CELF1: variants seen among roughly 807,000 people sequenced by gnomAD.
The protein encoded by CELF1 is 50 kDa nuclear polyadenylated RNA-binding protein.
In CELF1, 10 loss-of-function variants were observed where a neutral mutation model predicts 61.8. The ratio of observed to expected loss-of-function variants is 0.16; its 90% CI spans 0.10 to 0.27. CELF1 has a LOEUF of 0.27. Ranked by LOEUF, CELF1 falls within the 10% of genes least tolerant of loss-of-function variation. The pLI is 1.00. For missense variants in CELF1, 380 were observed against 639.1 expected (o/e 0.59, Z 4.37); for synonymous variants, 236 against 225.1 (o/e 1.05, Z -0.43).
At chr11:47,522,865 TA>T (rs2096019347) in intron 1 of CELF1, among the ~76,000 whole-genome samples, 1 of 144,588 alleles carries the variant, frequency 6.9e-6, no homozygotes, top group South Asian at 2.2e-4. Context: ...AGTAATAAAA[TA>T]GGCTTCATTT....
In CELF1 at chr11:47,478,890, G is replaced by A. The variant is rs755979173; in HGVS notation, c.831C>T (p.Leu277=). 2.0e-5 allele frequency: 32 copies of A among 1,612,720 alleles called. No individual in the cohort carries two copies. The highest frequency in any genetic ancestry group is 2.5e-5 in the Non-Finnish European group (30 of 1,179,516). ...TGAAACACTTACCTCCCATTGGGTG[G>A]AGGCTGCTCAGGGTGTTGAGGTTCC... is the stretch of plus-strand genomic sequence containing the variant. ...SSGNLNTLSS[L]HPMGGLNAMQ... The change falls in exon 10 of 15, where the codon CTC becomes CTT. Residue 277 remains leucine (L), a synonymous_variant. Transcript: ENST00000687097.
At chr11:47,561,703 C>T (rs867806957) in intron 2 of CELF1, among the ~76,000 whole-genome samples, 48 of 152,136 alleles carry the variant, frequency 3.2e-4, no homozygotes, top group African/African-American at 1.1e-3. Flanking sequence ...AACCTATGTC[C>T]GTAAGTTGTA....
intron 11 of CELF1, 37 bp downstream of exon 11, chr11:47,477,259 AG>A (rs2080689057): frequency 6.2e-7 from 1 of 1,612,274 alleles, no homozygotes; most frequent in African/African-American, 1.3e-5. Flanking sequence ...CATCTGTCCA[AG>A]GCACATAATG....
chr11:47,543,299 G>C (rs1258607263), intron 1 of CELF1, among the ~76,000 whole-genome samples: 5 of 152,084 alleles, frequency 3.3e-5, no homozygotes, highest in African/African-American at 9.7e-5. Flanking sequence ...TACTTGGGAG[G>C]CTGAGGTGGG....
intron 1 of CELF1, among the ~76,000 whole-genome samples, chr11:47,529,396 A>T (rs1474048960): frequency 6.6e-6 from 1 of 152,056 alleles, no homozygotes; most frequent in Non-Finnish European, 1.5e-5. Flanking sequence ...TAAAAATATA[A>T]AAATTAGTGG....
rs79597731 is a variant in CELF1, at chr11:47,521,662, G to A, written c.-153-20730C>T. 3.6e-3 allele frequency among the ~76,000 whole-genome samples: 541 copies of A among 152,312 alleles called. 3 individuals carry two copies. The highest frequency in any genetic ancestry group is 0.013 in the African/African-American group (526 of 41,570). On this transcript the variant is annotated intron_variant, in intron 1 of 14. Transcript: ENST00000687097. Reference sequence around the variant, plus strand: ...TAGAATAGTGCCTGACACATAGAAAGTGCTCAATAAACATTTGCTACTATT... The same window carrying A: ...TAGAATAGTGCCTGACACATAGAAAATGCTCAATAAACATTTGCTACTATT...
At chr11:47,537,676 T>C (rs1329660885) in intron 1 of CELF1, among the ~76,000 whole-genome samples, 1 of 152,184 alleles carries the variant, frequency 6.6e-6, no homozygotes, top group Non-Finnish European at 1.5e-5. Context: ...AGAATTAAAA[T>C]GTTAAGTCTT....
At chr11:47,492,176 C>CT (rs1374710728) in intron 3 of CELF1, among the ~76,000 whole-genome samples, 1 of 152,052 alleles carries the variant, frequency 6.6e-6, no homozygotes, top group Non-Finnish European at 1.5e-5. Context: ...GAGAGGGTCT[C>CT]ACTATGTTGC....
chr11:47,545,501 T>C (rs908359024), intron 1 of CELF1, among the ~76,000 whole-genome samples: 5 of 152,050 alleles, frequency 3.3e-5, no homozygotes, highest in African/African-American at 1.2e-4. Flanking sequence ...AAGAGGTTAA[T>C]AACAAGAGTT....
intron 1 of CELF1, among the ~76,000 whole-genome samples, chr11:47,525,487 C>T (rs1477762642): frequency 6.6e-6 from 1 of 152,114 alleles, no homozygotes; most frequent in African/African-American, 2.4e-5. Flanking sequence ...ATTTTATTCC[C>T]CCCTTATAGA....
chr11:47,501,322 C>A (rs2093866387), intron 1 of CELF1, among the ~76,000 whole-genome samples: 1 of 151,966 alleles, frequency 6.6e-6, no homozygotes, highest in African/African-American at 2.4e-5. Context: ...GCCTGTCAGG[C>A]AGAAGATGGT....
chr11:47,496,424 T>A (rs113825956), intron 3 of CELF1, among the ~76,000 whole-genome samples: 2,111 of 152,310 alleles, frequency 0.014, 24 homozygotes, highest in Non-Finnish European at 0.022. Flanking sequence ...TGGTGCCAGA[T>A]ACTACACACT....
rs577968920 is a variant in CELF1, at chr11:47,517,218, C to A, written c.-153-16286G>T. Among the ~76,000 whole-genome samples, 8 of 149,132 alleles carry A rather than the reference C, an allele frequency of 5.4e-5. 1 individual carries two copies. The South Asian group carries it at 1.7e-3, about 32-fold the overall frequency. ...CTGTGATCATGCCACTGCACTCCAGCCTGGACAACTGAGAGAGAGCCTGTC... is the reference window on the plus strand; with the variant it reads ...CTGTGATCATGCCACTGCACTCCAGACTGGACAACTGAGAGAGAGCCTGTC... On this transcript the variant is annotated intron_variant, in intron 1 of 14. Transcript: ENST00000687097.
At chr11:47,516,560 T>A (rs1035492061) in intron 1 of CELF1, among the ~76,000 whole-genome samples, 2 of 152,130 alleles carry the variant, frequency 1.3e-5, no homozygotes, top group Non-Finnish European at 2.9e-5. Context: ...TTGACTGACA[T>A]TGCAATTATT....
intron 1 of CELF1, among the ~76,000 whole-genome samples, chr11:47,509,083 AT>A (rs2094823959): frequency 6.6e-6 from 1 of 152,020 alleles, no homozygotes; most frequent in African/African-American, 2.4e-5. Flanking sequence ...AAAAAGTTAT[AT>A]TTTTTTAAAG....
intron 1 of CELF1, among the ~76,000 whole-genome samples, chr11:47,547,184 T>C (rs2096984223): frequency 6.6e-6 from 1 of 152,000 alleles, no homozygotes; most frequent in Non-Finnish European, 1.5e-5. Flanking sequence ...GGATTATCGT[T>C]ATAGACCACT....
chr11:47,491,953 T>C (rs920530809), intron 3 of CELF1, among the ~76,000 whole-genome samples: 1 of 152,194 alleles, frequency 6.6e-6, no homozygotes, highest in African/African-American at 2.4e-5. Context: ...TTATCTCCTA[T>C]GATTATTTAA....
chr11:47,482,384 C>A, intron 9 of CELF1: 1 of 208,482 alleles, frequency 4.8e-6, no homozygotes, highest in Non-Finnish European at 9.5e-6. Context: ...AGTTAAGATT[C>A]CCTCAGGAAT....
chr11:47,489,693 C>A (rs573529893), intron 3 of CELF1, among the ~76,000 whole-genome samples: 1 of 152,194 alleles, frequency 6.6e-6, no homozygotes, highest in Non-Finnish European at 1.5e-5. Flanking sequence ...TCTGAGTTAT[C>A]CAATTTACTG....
Sources: gnomAD v4.1 joint callset for allele counts (sites outside exome capture counted in the v4.1 genomes callset) on GRCh38, gnomAD v4.1.1 for gene constraint, MANE v1.5 for transcripts, NCBI Gene and HGNC (gene_info 2026-07-23, HGNC 2026-07-21) for gene names.